Variants in ADAMTS3 observed in about 807,000 individuals in gnomAD.
ADAMTS3 encodes the protein A disintegrin and metalloproteinase with thrombospondin motifs 3.
ADAMTS3 carries 73 observed loss-of-function variants against 129.0 expected under a neutral mutation model. The observed-to-expected ratio is 0.57, with a 90% CI of 0.47 to 0.69. The LOEUF is 0.69. Ranked by LOEUF, ADAMTS3 falls within the 30% of genes least tolerant of loss-of-function variation. The pLI is 0.00. For missense variants in ADAMTS3, 1,457 were observed against 1,514.5 expected, an observed-to-expected ratio of 0.96 and a Z score of 0.63; for synonymous variants, 477 against 510.8, an observed-to-expected ratio of 0.93 and a Z score of 0.89.
rs537158834 is a variant in ADAMTS3, at chr4:72,552,116, C to A, written c.98-3232G>T. ...ATATCCAACGTTAATTTACTGCATT[C>A]ATAATTTTCACATTTTACAGGCCCA... On this transcript the variant is annotated intron_variant, in intron 2 of 21. Coordinates refer to ENST00000286657, the MANE Select transcript of ADAMTS3 (RefSeq NM_014243.3). Among the ~76,000 whole-genome samples, 19 of 152,284 alleles carry A rather than the reference C, an allele frequency of 1.2e-4. 1 individual carries two copies. Among genetic ancestry groups the A allele is most frequent in the South Asian group, 8.3e-4 (4 of 4,832 alleles).
chr4:72,567,826 C>A (rs1290679819), intron 1 of ADAMTS3, among the ~76,000 whole-genome samples: 11 of 152,328 alleles, frequency 7.2e-5, no homozygotes, highest in African/African-American at 2.6e-4. Context: ...TCAGACCAGG[C>A]CGACCGGAGA....
intron 5 of ADAMTS3, among the ~76,000 whole-genome samples, chr4:72,331,709 C>T (rs1216813819): frequency 6.6e-6 from 1 of 152,142 alleles, no homozygotes; most frequent in African/African-American, 2.4e-5. Flanking sequence ...TATCTTGTTA[C>T]AAGCTGTTCC....
At chr4:72,497,564 AC>A (rs1719901127) in intron 3 of ADAMTS3, among the ~76,000 whole-genome samples, 1 of 151,590 alleles carries the variant, frequency 6.6e-6, no homozygotes, top group African/African-American at 2.4e-5. Flanking sequence ...AAAATTATTA[AC>A]CCAGAAGAAT....
chr4:72,301,055 A>G (rs1468562018), intron 17 of ADAMTS3, among the ~76,000 whole-genome samples: 4 of 152,218 alleles, frequency 2.6e-5, no homozygotes, highest in Admixed American at 6.6e-5. Flanking sequence ...GTTTGAGGGT[A>G]ATTTGTTTTA....
At chr4:72,326,616 T>C (rs545536200) in intron 5 of ADAMTS3, among the ~76,000 whole-genome samples, 1 of 152,148 alleles carries the variant, frequency 6.6e-6, no homozygotes, top group African/African-American at 2.4e-5. Flanking sequence ...GTGTTGTTGC[T>C]CAAAACAAGC....
At chr4:72,489,459 C>CTT (rs1387945055) in intron 3 of ADAMTS3, among the ~76,000 whole-genome samples, 7 of 151,894 alleles carry the variant, frequency 4.6e-5, no homozygotes, top group Admixed American at 4.6e-4. Flanking sequence ...TGAATCATTC[C>CTT]TTTGTCCAGC....
intron 3 of ADAMTS3, among the ~76,000 whole-genome samples, chr4:72,534,336 A>AG (rs1394149526): frequency 2.6e-5 from 4 of 152,198 alleles, no homozygotes; most frequent in Non-Finnish European, 5.9e-5. Context: ...CAAAAAAAAA[A>AG]AAGAAAAAAG....
chr4:72,362,439 T>A (rs1226158293), intron 4 of ADAMTS3, among the ~76,000 whole-genome samples: 1 of 152,186 alleles, frequency 6.6e-6, no homozygotes, highest in Non-Finnish European at 1.5e-5. Flanking sequence ...TAACATGGTA[T>A]CATGGGAAAT....
intron 3 of ADAMTS3, among the ~76,000 whole-genome samples, chr4:72,519,159 A>G (rs918869545): frequency 3.9e-5 from 6 of 152,082 alleles, no homozygotes; most frequent in Admixed American, 3.9e-4. Flanking sequence ...AATGTTGAAT[A>G]TTGGCCCCCA....
chr4:72,310,986 C>A, intron 14 of ADAMTS3, 62 bp downstream of exon 14: 2 of 1,416,468 alleles, frequency 1.4e-6, no homozygotes, highest in South Asian at 1.6e-5. Flanking sequence ...TAAAAATGTG[C>A]AGATGAATGA....
At chr4:72,357,832 C>T (rs1334910616) in intron 4 of ADAMTS3, among the ~76,000 whole-genome samples, 1 of 151,748 alleles carries the variant, frequency 6.6e-6, no homozygotes, top group Non-Finnish European at 1.5e-5. Flanking sequence ...ACCAAAAATC[C>T]ACAAAAAGAT....
chr4:72,492,468 C>G (rs138130207), intron 3 of ADAMTS3, among the ~76,000 whole-genome samples: 1 of 151,366 alleles, frequency 6.6e-6, no homozygotes, highest in Non-Finnish European at 1.5e-5. Flanking sequence ...ACTTTACATT[C>G]CCTTTTAATT....
At chr4:72,463,752 C>A (rs1718842175) in intron 3 of ADAMTS3, among the ~76,000 whole-genome samples, 1 of 148,580 alleles carries the variant, frequency 6.7e-6, no homozygotes, top group Non-Finnish European at 1.5e-5. Flanking sequence ...AAGATTTCCT[C>A]TTCCACAACT....
rs139835107 is a variant in ADAMTS3 at position 72,548,741 on chromosome 4, A to G, written c.241T>C (p.Phe81Leu). The G allele has an allele frequency of 3.7e-6, 6 of 1,613,880 alleles. No individual in the cohort carries two copies. The African/African-American group carries it at 5.3e-5, about 14-fold the overall frequency. ...TTTCCAAATGCCGTGATGTTAAAGA[A>G]CAACTGCTCAGGGTTGGAAGACACG... ...RDVSSNPEQL[F>L]FNITAFGKDF... Residue 81 changes from phenylalanine (F) to leucine (L), a missense_variant, in exon 3 of 22, where the codon TTC becomes CTC. Coordinates refer to ENST00000286657, the MANE Select transcript of ADAMTS3 (RefSeq NM_014243.3).
intron 3 of ADAMTS3, among the ~76,000 whole-genome samples, chr4:72,546,394 T>C (rs928649156): frequency 2.0e-5 from 3 of 152,102 alleles, no homozygotes; most frequent in African/African-American, 7.2e-5. Context: ...CAATTTACAC[T>C]CTATTTTATT....
At chr4:72,312,789 G>A (rs1393875435) in intron 12 of ADAMTS3, among the ~76,000 whole-genome samples, 3 of 152,118 alleles carry the variant, frequency 2.0e-5, no homozygotes, top group African/African-American at 7.2e-5. Flanking sequence ...AAAACACACA[G>A]ATGCAGCTCA....
At chr4:72,347,683 C>T (rs969567198) in intron 4 of ADAMTS3, among the ~76,000 whole-genome samples, 2 of 151,922 alleles carry the variant, frequency 1.3e-5, no homozygotes, top group African/African-American at 4.8e-5. Context: ...TTCTCTTCCT[C>T]TTGACTAAAT....
intron 2 of ADAMTS3, among the ~76,000 whole-genome samples, chr4:72,551,287 A>C (rs1721640016): frequency 6.6e-6 from 1 of 152,122 alleles, no homozygotes; most frequent in Admixed American, 6.6e-5. Context: ...AAACGCAGGG[A>C]GCCTTCTCCA....
At chr4:72,450,419 C>T (rs891553991) in intron 3 of ADAMTS3, among the ~76,000 whole-genome samples, 8 of 151,652 alleles carry the variant, frequency 5.3e-5, no homozygotes, top group African/African-American at 1.9e-4. Context: ...GTAAGACTTG[C>T]TTATTGTGGC....
Sources: allele counts gnomAD v4.1 joint callset (sites outside exome capture counted in the v4.1 genomes callset), GRCh38; gene constraint gnomAD v4.1.1; transcripts MANE v1.5; gene names NCBI Gene and HGNC (gene_info 2026-07-23, HGNC 2026-07-21).